SLC14A2: variants seen among roughly 807,000 people sequenced by gnomAD.
The protein encoded by SLC14A2 is solute carrier family 14 member 2.
Under a neutral mutation model 104.6 loss-of-function variants are expected in SLC14A2, and 91 were observed. The observed-to-expected ratio is 0.87, with a 90% CI of 0.73 to 1.04. The LOEUF is 1.04. SLC14A2 is among the 50% of genes least tolerant of loss of function. The pLI is 0.00. For synonymous variants in SLC14A2, 476 were observed against 466.4 expected (o/e 1.02, Z -0.27); for missense variants, 1,189 against 1,156.0 (o/e 1.03, Z -0.41).
chr18:45,667,140 C>T, intron 13 of SLC14A2, 46 bp downstream of exon 13: 1 of 1,529,664 alleles, frequency 6.5e-7, no homozygotes, highest in Non-Finnish European at 8.9e-7. Context: ...TAAAAACTCA[C>T]CTCCACCCAT....
At chr18:45,343,242 C>G (rs1441485111) in intron 1 of SLC14A2, among the ~76,000 whole-genome samples, 1 of 150,834 alleles carries the variant, frequency 6.6e-6, no homozygotes, top group Non-Finnish European at 1.5e-5. Context: ...CATTGTGTCT[C>G]TCTCTCAGCT....
Position 45,421,442 on chromosome 18 carries a change from G to A in SLC14A2, c.-124-61791G>A, listed in dbSNP as rs143749099. Reference sequence around the variant, plus strand: ...AACACAATTGATTCTTGGGAAGCACGCATTTCAACAGGTATGAGTGGCATG... The same window carrying A: ...AACACAATTGATTCTTGGGAAGCACACATTTCAACAGGTATGAGTGGCATG... On this transcript the variant is annotated intron_variant, in intron 1 of 20. Transcript: ENST00000586448. Among the ~76,000 whole-genome samples the A allele has an allele frequency of 9.9e-3, 1,502 of 152,220 alleles. 16 individuals carry two copies. Among genetic ancestry groups the A allele is most frequent in the African/African-American group, 0.024 (1,002 of 41,522 alleles).
intron 1 of SLC14A2, among the ~76,000 whole-genome samples, chr18:45,619,427 C>A (rs555256281): frequency 6.6e-6 from 1 of 152,348 alleles, no homozygotes; most frequent in Admixed American, 6.5e-5. Flanking sequence ...AGCCCACAGG[C>A]GAACGGTAGA....
chr18:45,539,155 G>T (rs1396371804), intron 2 of SLC14A2, among the ~76,000 whole-genome samples: 2 of 152,282 alleles, frequency 1.3e-5, no homozygotes, highest in African/African-American at 4.8e-5. Flanking sequence ...AGAGGAAAGA[G>T]CAATGGACTC....
intron 1 of SLC14A2, among the ~76,000 whole-genome samples, chr18:45,256,096 G>A (rs1219072390): frequency 6.6e-6 from 1 of 152,158 alleles, no homozygotes; most frequent in Non-Finnish European, 1.5e-5. Context: ...CGGAACAAAT[G>A]TCCACCCCTA....
At chr18:45,582,532 C>T (rs1158744550) in intron 2 of SLC14A2, among the ~76,000 whole-genome samples, 2 of 152,102 alleles carry the variant, frequency 1.3e-5, no homozygotes, top group Non-Finnish European at 2.9e-5. Context: ...AATACCCCCA[C>T]GCTTAAAAGT....
rs1555697413 is a variant in SLC14A2 at position 45,500,593 on chromosome 18, A to AAAAG, written c.-35+17275_-35+17278dup. ...CTCCGTCTCAAAAAAAAAAAAAAAA[A>AAAAG]AAAGAAATCCTGCCCTTATCCTGAC... On this transcript the variant is annotated intron_variant, in intron 2 of 20. Coordinates refer to the SLC14A2 transcript ENST00000586448. Among the ~76,000 whole-genome samples the AAAAG allele has an allele frequency of 1.0e-4, 15 of 145,374 alleles. 1 individual carries two copies. The highest frequency in any genetic ancestry group is 1.4e-4 in the Non-Finnish European group (9 of 66,648).
chr18:45,221,178 G>A (rs2084058525), intron 1 of SLC14A2, among the ~76,000 whole-genome samples: 1 of 152,160 alleles, frequency 6.6e-6, no homozygotes, highest in South Asian at 2.1e-4. Flanking sequence ...ACTGCCAGGG[G>A]TACAGCTGGA....
chr18:45,308,183 A>G (rs948351439), intron 1 of SLC14A2, among the ~76,000 whole-genome samples: 1 of 152,192 alleles, frequency 6.6e-6, no homozygotes, highest in African/African-American at 2.4e-5. Flanking sequence ...TCACATTTCA[A>G]TATGAGATTT....
In SLC14A2 at chr18:45,649,745, T is replaced by TCC. The variant is rs539034471; in HGVS notation, c.1351+5588_1351+5589dup. ...CGAGGGGCTCCTGCCCTGCAGTCTC[T>TCC]CCCCTCAGTGGTCTCTAGATATTGT... is the stretch of plus-strand genomic sequence containing the variant. On this transcript the variant is annotated intron_variant, in intron 10 of 19. Transcript: ENST00000255226. Among the ~76,000 whole-genome samples the TCC allele has an allele frequency of 1.5e-3, 226 of 152,358 alleles. 2 individuals carry two copies. Among genetic ancestry groups the TCC allele is most frequent in the Non-Finnish European group, 2.7e-3 (186 of 68,030 alleles).
At chr18:45,512,294 G>A (rs751474629) in intron 2 of SLC14A2, among the ~76,000 whole-genome samples, 63 of 152,078 alleles carry the variant, frequency 4.1e-4, no homozygotes, top group Non-Finnish European at 1.2e-4. Flanking sequence ...TCAGGAATTA[G>A]GAGTGAACCA....
intron 1 of SLC14A2, among the ~76,000 whole-genome samples, chr18:45,446,182 A>G (rs2086766324): frequency 1.3e-5 from 2 of 152,190 alleles, no homozygotes; most frequent in South Asian, 4.1e-4. Flanking sequence ...TGTTAATATA[A>G]TTGTTCTCTC....
At chr18:45,620,705 C>G (rs928550430) in intron 1 of SLC14A2, among the ~76,000 whole-genome samples, 6 of 152,080 alleles carry the variant, frequency 3.9e-5, no homozygotes, top group African/African-American at 1.4e-4. Flanking sequence ...GAAATAATTT[C>G]TGAGTATACC....
chr18:45,171,231 G>A, the SLC14A2 span, among the ~76,000 whole-genome samples: 1 of 152,066 alleles, frequency 6.6e-6, no homozygotes, highest in Admixed American at 6.6e-5. Flanking sequence ...TCAAATGTAA[G>A]TGGGTGTCCT....
intron 1 of SLC14A2, among the ~76,000 whole-genome samples, chr18:45,317,199 TC>T (rs1437554611): frequency 2.0e-5 from 3 of 152,162 alleles, no homozygotes; most frequent in African/African-American, 7.2e-5. Flanking sequence ...AAGATACACA[TC>T]CCCTTTTGTT....
At chr18:45,255,766 G>A (rs2084470833) in intron 1 of SLC14A2, among the ~76,000 whole-genome samples, 4 of 152,116 alleles carry the variant, frequency 2.6e-5, no homozygotes, top group East Asian at 1.9e-4. Context: ...CTAGCAGGGG[G>A]AAAATATATA....
chr18:45,500,863 G>A (rs965166673), intron 2 of SLC14A2, among the ~76,000 whole-genome samples: 1 of 152,200 alleles, frequency 6.6e-6, no homozygotes, highest in Non-Finnish European at 1.5e-5. Flanking sequence ...AGCACTATGA[G>A]AAGGAAGGGA....
intron 2 of SLC14A2, among the ~76,000 whole-genome samples, chr18:45,535,738 CTT>C (rs1335856361): frequency 6.6e-6 from 1 of 152,138 alleles, no homozygotes; most frequent in Non-Finnish European, 1.5e-5. Context: ...TTCGGGGTCA[CTT>C]TTTCTGCCTG....
At chr18:45,651,449 T>C (rs945922940) in intron 10 of SLC14A2, among the ~76,000 whole-genome samples, 3 of 152,198 alleles carry the variant, frequency 2.0e-5, no homozygotes, top group Admixed American at 2.0e-4. Context: ...AGTCAACTTG[T>C]TCAGTGTTTC....
Sources: gnomAD v4.1 joint callset for allele counts (sites outside exome capture counted in the v4.1 genomes callset) on GRCh38, gnomAD v4.1.1 for gene constraint, MANE v1.5 for transcripts, NCBI Gene and HGNC (gene_info 2026-07-23, HGNC 2026-07-21) for gene names.